The following AKAP6 variants were observed in gnomAD, a reference collection of about 807,000 sequenced individuals.
The protein encoded by AKAP6 is A-kinase anchor protein 6.
In AKAP6, 58 loss-of-function variants were observed where a neutral mutation model predicts 188.5. That is an observed-to-expected ratio of 0.31 (90% CI 0.25 to 0.38). The LOEUF (loss-of-function observed/expected upper bound fraction) is 0.38. Among genes scored for constraint, AKAP6 ranks in the 10% least tolerant of loss-of-function variants. The pLI is 1.00. For missense variants in AKAP6, 2,710 were observed against 2,740.0 expected (o/e 0.99, Z 0.24); for synonymous variants, 989 against 998.6 (o/e 0.99, Z 0.18).
chr14:32,343,325 C>A (rs1349406261), intron 1 of AKAP6, among the ~76,000 whole-genome samples: 1 of 151,986 alleles, frequency 6.6e-6, no homozygotes, highest in South Asian at 2.1e-4. Context: ...TAGTGGAGAC[C>A]CAGATTATTC....
At chr14:32,506,381 AC>A (rs889316689) in intron 2 of AKAP6, among the ~76,000 whole-genome samples, 28 of 152,284 alleles carry the variant, frequency 1.8e-4, no homozygotes, top group African/African-American at 6.7e-4. Flanking sequence ...ACATATGCAT[AC>A]ATAATCAAGG....
intron 7 of AKAP6, among the ~76,000 whole-genome samples, chr14:32,645,871 G>A (rs1887965076): frequency 1.3e-5 from 2 of 152,142 alleles, no homozygotes; most frequent in African/African-American, 4.8e-5. Flanking sequence ...TTTATGCTTA[G>A]ATGCTTTTAA....
chr14:32,351,252 T>G (rs1887257483), intron 1 of AKAP6, among the ~76,000 whole-genome samples: 1 of 152,210 alleles, frequency 6.6e-6, no homozygotes, highest in Non-Finnish European at 1.5e-5. Flanking sequence ...TTCCTAAATT[T>G]GTGTTATATT....
At chr14:32,507,117 G>T (rs764343357) in intron 2 of AKAP6, among the ~76,000 whole-genome samples, 3 of 152,112 alleles carry the variant, frequency 2.0e-5, no homozygotes, top group Admixed American at 1.3e-4. Context: ...AGCTTAGTCA[G>T]TTATACACAT....
chr14:32,479,842 C>A (rs1334702231), intron 2 of AKAP6, among the ~76,000 whole-genome samples: 1 of 152,148 alleles, frequency 6.6e-6, no homozygotes, highest in East Asian at 1.9e-4. Flanking sequence ...TCTACTGGCA[C>A]CTTGATCTGG....
At chr14:32,750,737 G>GGTT (rs374015190) in intron 11 of AKAP6, among the ~76,000 whole-genome samples, 3 of 138,368 alleles carry the variant, frequency 2.2e-5, no homozygotes, top group South Asian at 2.2e-4. Context: ...AATTAATTTT[G>GGTT]TTTTTTTTTT....
chr14:32,777,162 G>C lies in AKAP6; in HGVS notation c.3588+3269G>C, dbSNP rs76431066. On this transcript the variant is annotated intron_variant, in intron 12 of 13. Transcript: ENST00000280979. Reference sequence around the variant, plus strand: ...TTGCCCAAAAAAAACTTAAAAGCAAGACCTGAAAGGATCAAACTGTTTCAA... The same window carrying C: ...TTGCCCAAAAAAAACTTAAAAGCAACACCTGAAAGGATCAAACTGTTTCAA... Among the ~76,000 whole-genome samples, 1,326 of 152,184 alleles carry C rather than the reference G, an allele frequency of 8.7e-3. 9 individuals are homozygous for C. The highest frequency in any genetic ancestry group is 0.044 in the Middle Eastern group (13 of 294).
At chr14:32,499,328 C>CAAAAAAAAAAAAAAAAAAAAAAAAAA (rs71432061) in intron 2 of AKAP6, among the ~76,000 whole-genome samples, 1 of 111,094 alleles carries the variant, frequency 9.0e-6, no homozygotes, top group East Asian at 2.7e-4. Context: ...AGTGTAACAG[C>CAAAAAAAAAAAAAAAAAAAAAAAAAA]AAAAAAAAAA....
At position 32,732,542 on chromosome 14, in the gene AKAP6, T is replaced by C. The variant is rs1242015596; in HGVS notation, c.3089T>C (p.Leu1030Pro). Residue 1030 changes from leucine (L) to proline (P), a missense_variant, in exon 10 of 14, where the codon CTA (leucine) becomes CCA (proline). This residue lies in a region of AKAP6 where 2,473 missense variants were observed against 2,426.1 expected (regional missense o/e 1.02). Transcript: ENST00000280979. ...VEALKKGGVLLPNDLLEKVDS... is the reference protein window; with the variant it reads ...VEALKKGGVLPPNDLLEKVDS... ...GCTTTGAAGAAAGGTGGCGTTTTAC[T>C]ACCAAATGATCTCCTTGAAAAAGTG... The C allele has an allele frequency of 1.2e-6, 2 of 1,613,548 alleles. No homozygotes were observed. The highest frequency in any genetic ancestry group is 1.7e-6 in the Non-Finnish European group (2 of 1,179,728).
intron 12 of AKAP6, among the ~76,000 whole-genome samples, chr14:32,792,253 G>T (rs1376908034): frequency 6.6e-6 from 1 of 152,164 alleles, no homozygotes; most frequent in Admixed American, 6.5e-5. Context: ...CTATCCATGA[G>T]CATGGAATGT....
chr14:32,397,350 A>C (rs1185473759), intron 1 of AKAP6, among the ~76,000 whole-genome samples: 1 of 151,694 alleles, frequency 6.6e-6, no homozygotes, highest in Non-Finnish European at 1.5e-5. Flanking sequence ...ATAATGGTAC[A>C]GAAGTTATCA....
intron 2 of AKAP6, among the ~76,000 whole-genome samples, chr14:32,510,517 T>C (rs925048374): frequency 1.4e-5 from 2 of 146,072 alleles, no homozygotes; most frequent in African/African-American, 5.0e-5. Context: ...AAGAATTACC[T>C]ACAATCTTAT....
At chr14:32,406,043 C>T (rs1889281258) in intron 1 of AKAP6, among the ~76,000 whole-genome samples, 1 of 152,226 alleles carries the variant, frequency 6.6e-6, no homozygotes, top group African/African-American at 2.4e-5. Flanking sequence ...AGGTAGCACT[C>T]TGGAGGCCAG....
intron 7 of AKAP6, among the ~76,000 whole-genome samples, chr14:32,633,581 A>T (rs1293554585): frequency 6.6e-6 from 1 of 152,026 alleles, no homozygotes; most frequent in Non-Finnish European, 1.5e-5. Flanking sequence ...GAGCCATTGC[A>T]TGTCTCCGCT....
At chr14:32,798,143 G>T (rs10146290) in intron 12 of AKAP6, among the ~76,000 whole-genome samples, 1 of 151,432 alleles carries the variant, frequency 6.6e-6, no homozygotes, top group Non-Finnish European at 1.5e-5. Flanking sequence ...ATATGAAAAA[G>T]TGTTCAATAT....
chr14:32,583,135 C>T (rs1885058073), intron 5 of AKAP6, among the ~76,000 whole-genome samples: 1 of 152,114 alleles, frequency 6.6e-6, no homozygotes. Context: ...TACTTTTGGT[C>T]TTTGATGATG....
At chr14:32,712,802 C>T (rs978310161) in intron 9 of AKAP6, among the ~76,000 whole-genome samples, 1 of 152,064 alleles carries the variant, frequency 6.6e-6, no homozygotes, top group Non-Finnish European at 1.5e-5. Context: ...AAGTGTTGAA[C>T]CCCTCAGTCA....
chr14:32,784,566 C>T (rs2033346835), intron 12 of AKAP6, among the ~76,000 whole-genome samples: 1 of 152,092 alleles, frequency 6.6e-6, no homozygotes, highest in South Asian at 2.1e-4. Flanking sequence ...CTCTAAAAAG[C>T]CATGTGGCAT....
chr14:32,621,555 G>C (rs1358567249), intron 7 of AKAP6, among the ~76,000 whole-genome samples: 1 of 151,932 alleles, frequency 6.6e-6, no homozygotes, highest in Non-Finnish European at 1.5e-5. Context: ...ATAGTATTTT[G>C]ATTTTTTAAA....
Sources: allele counts gnomAD v4.1 joint callset (sites outside exome capture counted in the v4.1 genomes callset), GRCh38; gene constraint gnomAD v4.1.1; regional missense constraint gnomAD v4.1.1; transcripts MANE v1.5; gene names NCBI Gene and HGNC (gene_info 2026-07-23, HGNC 2026-07-21).